Variants in ABTB2 observed in about 807,000 individuals in gnomAD.
The protein encoded by ABTB2 is ankyrin repeat and BTB domain containing 2.
ABTB2 carries 56 observed loss-of-function variants against 104.1 expected under a neutral mutation model. That is an observed-to-expected ratio of 0.54 (90% CI 0.43 to 0.67). The LOEUF is 0.67. Among genes scored for constraint, ABTB2 ranks in the 30% least tolerant of loss-of-function variants. The probability of loss-of-function intolerance (pLI) is 0.00; values close to 1 mark genes in which losing one functional copy is unlikely to be tolerated. For missense variants in ABTB2, 1,279 were observed against 1,407.7 expected, an observed-to-expected ratio of 0.91 and a Z score of 1.46; for synonymous variants, 606 against 608.2, an observed-to-expected ratio of 1.00 and a Z score of 0.05.
rs149334127 is a variant in ABTB2 at position 34,337,223 on chromosome 11, G to A, written c.883+19478C>T. Among the ~76,000 whole-genome samples, 63 of 152,240 alleles carry A rather than the reference G, an allele frequency of 4.1e-4. 1 individual carries two copies. The highest frequency in any genetic ancestry group is 4.4e-4 in the Non-Finnish European group (30 of 68,040). ...TGGCTTATTTGTTGAGGAAGGCCCC[G>A]ATTCTGCGCCTGTCTGGGGAGAAGA... is the stretch of plus-strand genomic sequence containing the variant. On this transcript the variant is annotated intron_variant, in intron 1 of 16. Transcript: ENST00000435224.
In ABTB2 at chr11:34,204,593, G is replaced by T. The variant is rs77165558; in HGVS notation, c.981C>A (p.Thr327=). The change falls in exon 2 of 17, where the codon ACC becomes ACA. Residue 327 remains threonine, a synonymous_variant. Coordinates refer to ENST00000435224, the MANE Select transcript of ABTB2 (RefSeq NM_145804.3). ...ADAYAQLELR[T]LEQSLLATCV... ...AGGTGGCCAGGAGGGACTGCTCCAG[G>T]GTTCGGAGCTCCAGCTGGGCATAGG... The T allele has an allele frequency of 4.9e-3, 7,855 of 1,613,724 alleles. 305 individuals are homozygous for T. The African/African-American group carries it at 0.09, about 18-fold the overall frequency.
chr11:34,231,348 A>T (rs1199099403), intron 1 of ABTB2, among the ~76,000 whole-genome samples: 31 of 152,208 alleles, frequency 2.0e-4, no homozygotes, highest in Admixed American at 2.0e-3. Flanking sequence ...TAATCTATGC[A>T]TTAATAGATA....
chr11:34,156,213 C>G (rs1852624333), intron 14 of ABTB2, among the ~76,000 whole-genome samples: 1 of 152,252 alleles, frequency 6.6e-6, no homozygotes, highest in African/African-American at 2.4e-5. Flanking sequence ...CACTTGAATG[C>G]ATATGAGGCC....
intron 3 of ABTB2, among the ~76,000 whole-genome samples, chr11:34,188,668 T>G (rs1465444526): frequency 6.6e-6 from 1 of 152,198 alleles, no homozygotes; most frequent in East Asian, 1.9e-4. Flanking sequence ...ACATTGCAAA[T>G]CTTCTTGAAA....
chr11:34,236,629 G>A (rs553468753), intron 1 of ABTB2, among the ~76,000 whole-genome samples: 2 of 152,206 alleles, frequency 1.3e-5, no homozygotes, highest in East Asian at 1.9e-4. Context: ...AGGCCTCAGG[G>A]CCCAAGGCCA....
intron 1 of ABTB2, among the ~76,000 whole-genome samples, chr11:34,350,952 G>C (rs997366839): frequency 3.3e-5 from 5 of 152,178 alleles, no homozygotes; most frequent in African/African-American, 1.2e-4. Context: ...GGATTCTCAT[G>C]GGGACCTAGA....
chr11:34,298,695 C>T (rs1039263093), intron 1 of ABTB2, among the ~76,000 whole-genome samples: 2 of 152,080 alleles, frequency 1.3e-5, no homozygotes, highest in Non-Finnish European at 2.9e-5. Context: ...CTCCCGGCCT[C>T]GAGTGATCTG....
chr11:34,230,263 A>G (rs1853751945), intron 1 of ABTB2, among the ~76,000 whole-genome samples: 1 of 152,174 alleles, frequency 6.6e-6, no homozygotes, highest in Non-Finnish European at 1.5e-5. Context: ...CATCTCTATC[A>G]AAGGGGGAGT....
chr11:34,248,088 A>ATTTTTT (rs377220875), intron 1 of ABTB2, among the ~76,000 whole-genome samples: 4 of 78,372 alleles, frequency 5.1e-5, no homozygotes, highest in Admixed American at 1.1e-4. Flanking sequence ...CTTATCTATA[A>ATTTTTT]TTTTTCTTAA....
At chr11:34,240,526 T>C (rs1242203134) in intron 1 of ABTB2, among the ~76,000 whole-genome samples, 1 of 152,216 alleles carries the variant, frequency 6.6e-6, no homozygotes, top group East Asian at 1.9e-4. Flanking sequence ...TCTGGGTTGC[T>C]CACCTCCAGT....
chr11:34,184,111 G>T (rs1853064186), intron 3 of ABTB2, among the ~76,000 whole-genome samples: 1 of 151,252 alleles, frequency 6.6e-6, no homozygotes, highest in Admixed American at 6.6e-5. Flanking sequence ...GCAGGCTTGA[G>T]CTGCTGCGTC....
At chr11:34,260,406 A>G (rs1204764831) in intron 1 of ABTB2, among the ~76,000 whole-genome samples, 1 of 152,212 alleles carries the variant, frequency 6.6e-6, no homozygotes, top group African/African-American at 2.4e-5. Context: ...CCTCCTGAAT[A>G]ATAAACACAG....
At chr11:34,269,661 C>T (rs975690633) in intron 1 of ABTB2, among the ~76,000 whole-genome samples, 2 of 152,222 alleles carry the variant, frequency 1.3e-5, no homozygotes, top group African/African-American at 2.4e-5. Context: ...TTGAACTTCA[C>T]ACAAATGCCA....
intron 1 of ABTB2, among the ~76,000 whole-genome samples, chr11:34,285,344 TTCA>T (rs937574674): frequency 2.6e-5 from 4 of 151,838 alleles, no homozygotes; most frequent in African/African-American, 4.8e-5. Flanking sequence ...TCCCTGGGGA[TTCA>T]TCATTATATA....
At chr11:34,301,793 G>C (rs924343147) in intron 1 of ABTB2, among the ~76,000 whole-genome samples, 3 of 152,196 alleles carry the variant, frequency 2.0e-5, no homozygotes, top group African/African-American at 7.2e-5. Flanking sequence ...AGACCAGCCT[G>C]GGCAATTATT....
At chr11:34,172,011 G>A (rs1338669717) in intron 4 of ABTB2, among the ~76,000 whole-genome samples, 1 of 152,092 alleles carries the variant, frequency 6.6e-6, no homozygotes, top group Non-Finnish European at 1.5e-5. Context: ...TCATGTCCTA[G>A]AATGGGGTTT....
chr11:34,249,417 C>T (rs1854027359), intron 1 of ABTB2, among the ~76,000 whole-genome samples: 1 of 152,216 alleles, frequency 6.6e-6, no homozygotes, highest in Non-Finnish European at 1.5e-5. Flanking sequence ...ACAAAAGCAA[C>T]AGCCGTAAAG....
intron 1 of ABTB2, among the ~76,000 whole-genome samples, chr11:34,322,395 G>A (rs74721426): frequency 6.6e-6 from 1 of 152,086 alleles, no homozygotes; most frequent in Non-Finnish European, 1.5e-5. Context: ...GGCCAAGATG[G>A]TGAAACCCCA....
chr11:34,328,282 G>C (rs928751335), intron 1 of ABTB2, among the ~76,000 whole-genome samples: 1 of 152,182 alleles, frequency 6.6e-6, no homozygotes, highest in Non-Finnish European at 1.5e-5. Context: ...TATCAAGGGA[G>C]TACTTGCTTT....
Sources: gnomAD v4.1 joint callset for allele counts (sites outside exome capture counted in the v4.1 genomes callset) on GRCh38, gnomAD v4.1.1 for gene constraint, MANE v1.5 for transcripts, NCBI Gene and HGNC (gene_info 2026-07-23, HGNC 2026-07-21) for gene names.